SPAG16: variants seen among roughly 807,000 people sequenced by gnomAD.
The protein encoded by SPAG16 is sperm associated antigen 16.
SPAG16 carries 86 observed loss-of-function variants against 80.4 expected under a neutral mutation model. The observed-to-expected ratio is 1.07, with a 90% CI of 0.90 to 1.28. SPAG16 has a LOEUF of 1.28. SPAG16 is among the 50% of genes most tolerant of loss of function. SPAG16 has a pLI of 0.00. For synonymous variants in SPAG16, 294 were observed against 265.9 expected, an observed-to-expected ratio of 1.11 and a Z score of -1.03; for missense variants, 870 against 765.3, an observed-to-expected ratio of 1.14 and a Z score of -1.61.
intron 9 of SPAG16, among the ~76,000 whole-genome samples, chr2:213,421,344 C>T (rs2069573667): frequency 6.6e-6 from 1 of 152,246 alleles, no homozygotes; most frequent in Non-Finnish European, 1.5e-5. Context: ...ATTTGGCCCC[C>T]TCCAGACATT....
intron 11 of SPAG16, among the ~76,000 whole-genome samples, chr2:213,910,319 G>A (rs2077609498): frequency 6.6e-6 from 1 of 152,074 alleles, no homozygotes; most frequent in Admixed American, 6.5e-5. Context: ...CTTCTCTTCA[G>A]ATCATATAAA....
At chr2:213,378,840 T>A (rs1019196663) in intron 9 of SPAG16, among the ~76,000 whole-genome samples, 1 of 152,212 alleles carries the variant, frequency 6.6e-6, no homozygotes, top group African/African-American at 2.4e-5. Context: ...ACTGTGATGT[T>A]GTAATTTCCC....
chr2:214,226,661 C>T (rs892139162), intron 15 of SPAG16, among the ~76,000 whole-genome samples: 5 of 151,918 alleles, frequency 3.3e-5, no homozygotes, highest in Admixed American at 1.3e-4. Context: ...TCCAAATACT[C>T]CCCCCAAAGC....
chr2:213,712,652 A>G (rs530368295), intron 10 of SPAG16, among the ~76,000 whole-genome samples: 3 of 152,286 alleles, frequency 2.0e-5, no homozygotes, highest in Non-Finnish European at 4.4e-5. Context: ...CTTTCTCTCT[A>G]GGGAAGAAGA....
At chr2:213,960,307 A>G (rs541295705) in intron 12 of SPAG16, among the ~76,000 whole-genome samples, 1 of 151,580 alleles carries the variant, frequency 6.6e-6, no homozygotes, top group East Asian at 1.9e-4. Flanking sequence ...TCTTTTAGTT[A>G]TTTGACAGTC....
chr2:213,813,475 C>G (rs1398173855), intron 10 of SPAG16, among the ~76,000 whole-genome samples: 1 of 152,058 alleles, frequency 6.6e-6, no homozygotes, highest in Non-Finnish European at 1.5e-5. Flanking sequence ...AGAGGACAGG[C>G]AAGATACTCC....
Position 214,355,083 on chromosome 2 carries a change from C to T in SPAG16, c.1721-55057C>T, listed in dbSNP as rs13401177. Among the ~76,000 whole-genome samples, 97 of 151,772 alleles carry T rather than the reference C, an allele frequency of 6.4e-4. 1 individual carries two copies. The highest frequency in any genetic ancestry group is 2.2e-3 in the African/African-American group (92 of 41,442). ...CATAAAAACCCTAGAAGAAAACCTA[C>T]GCATTACCATTCAGGACATAGGCAT... On this transcript the variant is annotated intron_variant, in intron 15 of 15. Transcript: ENST00000331683.
At chr2:214,082,756 G>C (rs1275480531) in intron 13 of SPAG16, among the ~76,000 whole-genome samples, 1 of 152,132 alleles carries the variant, frequency 6.6e-6, no homozygotes, top group African/African-American at 2.4e-5. Context: ...TTATTTGCCT[G>C]GTAATAATCA....
chr2:213,877,374 A>C (rs2076180333), intron 11 of SPAG16, among the ~76,000 whole-genome samples: 1 of 151,868 alleles, frequency 6.6e-6, no homozygotes, highest in African/African-American at 2.4e-5. Context: ...TGGTGGTGTG[A>C]TCTTGGCTCA....
At chr2:213,801,239 G>C (rs141663029) in intron 10 of SPAG16, among the ~76,000 whole-genome samples, 1 of 152,178 alleles carries the variant, frequency 6.6e-6, no homozygotes, top group African/African-American at 2.4e-5. Context: ...GCGTGCGCGC[G>C]TGCCCACATG....
chr2:214,031,628 G>GAA (rs34664637), intron 13 of SPAG16, among the ~76,000 whole-genome samples: 2,043 of 140,516 alleles, frequency 0.015, 30 homozygotes, highest in Admixed American at 0.04. Context: ...AAATAAACAT[G>GAA]AAAAAAAAAA....
intron 15 of SPAG16, among the ~76,000 whole-genome samples, chr2:214,350,267 TTC>T (rs1698309740): frequency 6.6e-6 from 1 of 152,232 alleles, no homozygotes; most frequent in South Asian, 2.1e-4. Context: ...TTTTGCTTCA[TTC>T]TCTCTTTCCT....
intron 10 of SPAG16, among the ~76,000 whole-genome samples, chr2:213,748,371 G>C (rs1559434132): frequency 6.6e-6 from 1 of 151,778 alleles, no homozygotes; most frequent in South Asian, 2.1e-4. Context: ...ACACAAATAG[G>C]AGTATATACA....
At position 214,215,885 on chromosome 2, in the gene SPAG16, C is replaced by A. The variant is rs143841826; in HGVS notation, c.1720+66619C>A. On this transcript the variant is annotated intron_variant, in intron 15 of 15. Transcript: ENST00000331683. Reference sequence around the variant, plus strand: ...TTATAATTCAGTCTAGATCCTAATCCATTCAGACTTTTTCCTGCCTTAGTT... The same window carrying A: ...TTATAATTCAGTCTAGATCCTAATCAATTCAGACTTTTTCCTGCCTTAGTT... Among the ~76,000 whole-genome samples the A allele has an allele frequency of 1.1e-3, 167 of 152,324 alleles. 1 individual carries two copies. Among genetic ancestry groups the A allele is most frequent in the Non-Finnish European group, 6.9e-4 (47 of 68,030 alleles).
chr2:214,368,709 T>C (rs1699635060), intron 15 of SPAG16, among the ~76,000 whole-genome samples: 1 of 152,104 alleles, frequency 6.6e-6, no homozygotes, highest in Admixed American at 6.6e-5. Flanking sequence ...TCCATCTACT[T>C]TGATTAGAAT....
chr2:213,768,224 G>T (rs1318401111), intron 10 of SPAG16, among the ~76,000 whole-genome samples: 2 of 152,138 alleles, frequency 1.3e-5, no homozygotes, highest in Admixed American at 6.6e-5. Flanking sequence ...ACTGATGAAA[G>T]CAGGAGCTAG....
At chr2:213,999,123 C>A (rs1260597077) in intron 12 of SPAG16, among the ~76,000 whole-genome samples, 1 of 152,106 alleles carries the variant, frequency 6.6e-6, no homozygotes, top group Admixed American at 6.5e-5. Flanking sequence ...AATGTTAATC[C>A]CCAAGACAAT....
At chr2:213,400,189 T>G (rs1169587266) in intron 9 of SPAG16, among the ~76,000 whole-genome samples, 1 of 152,148 alleles carries the variant, frequency 6.6e-6, no homozygotes, top group Non-Finnish European at 1.5e-5. Flanking sequence ...CTGCCTATAG[T>G]CTTTGAGTTT....
intron 15 of SPAG16, among the ~76,000 whole-genome samples, chr2:214,340,505 A>T (rs1182942979): frequency 1.3e-5 from 2 of 152,182 alleles, no homozygotes; most frequent in Non-Finnish European, 2.9e-5. Context: ...AGGAATATGG[A>T]TGTGAGTATT....
Sources: gnomAD v4.1 joint callset for allele counts (sites outside exome capture counted in the v4.1 genomes callset) on GRCh38, gnomAD v4.1.1 for gene constraint, MANE v1.5 for transcripts, NCBI Gene and HGNC (gene_info 2026-07-23, HGNC 2026-07-21) for gene names.